The following PLEKHS1 variants were observed in gnomAD, a reference collection of about 807,000 sequenced individuals.
PLEKHS1 encodes the protein pleckstrin homology domain containing S1, also known as pleckstrin homology domain-containing family S member 1.
A neutral mutation model predicts 51.0 loss-of-function variants in PLEKHS1; 55 were observed. The observed-to-expected ratio is 1.08, with a 90% CI of 0.87 to 1.35. The LOEUF (loss-of-function observed/expected upper bound fraction) is 1.35. PLEKHS1 is among the 40% of genes most tolerant of loss of function. PLEKHS1 has a pLI of 0.00. For synonymous variants in PLEKHS1, 153 were observed against 144.8 expected (o/e 1.06, Z -0.41); for missense variants, 398 against 423.0 (o/e 0.94, Z 0.52).
At chr10:113,765,353 T>A (rs754455354) in intron 2 of PLEKHS1, 3 of 779,378 alleles carry the variant, frequency 3.8e-6, no homozygotes, top group Non-Finnish European at 7.2e-6. Context: ...CTCTACCCAA[T>A]GCCCTGTAAA....
intron 7 of PLEKHS1, 135 bp from the exon 8 acceptor site, chr10:113,771,835 C>A: frequency 1.9e-6 from 2 of 1,032,656 alleles, no homozygotes; most frequent in Non-Finnish European, 2.7e-6. Context: ...GTTGTGTGAG[C>A]TTCTGGATGT....
downstream of PLEKHS1, chr10:113,783,334 T>A (rs534572302): frequency 1.3e-5 from 2 of 152,166 alleles, no homozygotes; most frequent in African/African-American, 2.4e-5. Context: ...TTCTGTAAAA[T>A]TGTTCGTGAT....
intron 8 of PLEKHS1, among the ~76,000 whole-genome samples, chr10:113,772,961 A>G (rs1434705943): frequency 1.3e-5 from 2 of 152,236 alleles, no homozygotes; most frequent in African/African-American, 2.4e-5. Context: ...CTGAGCAGCT[A>G]TATCTGCCAT....
At chr10:113,772,883 G>T (rs1203320474) in intron 8 of PLEKHS1, among the ~76,000 whole-genome samples, 3 of 152,196 alleles carry the variant, frequency 2.0e-5, no homozygotes, top group African/African-American at 7.2e-5. Context: ...TCTGTAGACA[G>T]CATAGGGGAA....
intron 2 of PLEKHS1, among the ~76,000 whole-genome samples, chr10:113,757,726 T>A (rs1166934420): frequency 6.6e-6 from 1 of 152,230 alleles, no homozygotes; most frequent in East Asian, 1.9e-4. Flanking sequence ...TAGCAAGTGG[T>A]GCTGTTTGAT....
At chr10:113,780,910 TG>T (rs1405737917) in exon 12 of PLEKHS1, 1 of 778,392 alleles carries the variant, frequency 1.3e-6, no homozygotes, top group African/African-American at 1.7e-5. Context: ...ATCTTAACAA[TG>T]GGGATGACTA....
Position 113,777,468 on chromosome 10 carries a change from A to G in PLEKHS1, c.1091+1602A>G, listed in dbSNP as rs1009857105. 10 of 1,597,114 alleles carry G rather than the reference A, an allele frequency of 6.3e-6. No individual in the cohort carries two copies. The Admixed American group carries it at 1.0e-4, about 17-fold the overall frequency. On this transcript the variant is annotated intron_variant, in intron 11 of 11. Transcript: ENST00000361048. ...TTTGGAGAAGGCACTGAGCTAAGAG[A>G]CAGAGCACCTGGGTTCAGGACCTCA... is the stretch of plus-strand genomic sequence containing the variant.
intron 2 of PLEKHS1, among the ~76,000 whole-genome samples, chr10:113,756,911 G>T (rs889834261): frequency 3.5e-4 from 47 of 132,604 alleles, no homozygotes; most frequent in Middle Eastern, 4.1e-3. Flanking sequence ...TTTTAGATTG[G>T]TCTTTTTTTT....
At chr10:113,782,356 A>AAT (rs1288203056) in exon 12 of PLEKHS1, 1 of 152,240 alleles carries the variant, frequency 6.6e-6, no homozygotes, top group East Asian at 1.9e-4. Context: ...AGCACTTAGA[A>AAT]GAGACATTCA....
At chr10:113,752,518 C>T (rs1253687541) in intron 1 of PLEKHS1, among the ~76,000 whole-genome samples, 3 of 152,142 alleles carry the variant, frequency 2.0e-5, no homozygotes, top group Non-Finnish European at 2.9e-5. Flanking sequence ...CTGAGGAGTG[C>T]TCATCAACAG....
chr10:113,780,776 G>T, exon 12 of PLEKHS1: 1 of 1,547,826 alleles, frequency 6.5e-7, no homozygotes. Flanking sequence ...AGGAGCCAGG[G>T]AGTAACGCAC....
chr10:113,756,084 G>C (rs1020219300), intron 2 of PLEKHS1, among the ~76,000 whole-genome samples: 1 of 152,196 alleles, frequency 6.6e-6, no homozygotes, highest in African/African-American at 2.4e-5. Flanking sequence ...AAGTCACTTA[G>C]AAGTTAAATT....
chr10:113,779,197 G>A (rs752459087), intron 11 of PLEKHS1, among the ~76,000 whole-genome samples: 16 of 152,134 alleles, frequency 1.1e-4, no homozygotes, highest in Non-Finnish European at 2.1e-4. Context: ...GACTGGATAG[G>A]AGACTGCATG....
chr10:113,771,279 G>C (rs1382368040), intron 7 of PLEKHS1: 3 of 152,300 alleles, frequency 2.0e-5, no homozygotes, highest in African/African-American at 7.2e-5. Context: ...GAACAGGAAA[G>C]GTGCAACGCC....
chr10:113,756,219 T>G lies in PLEKHS1; in HGVS notation c.28+914T>G, dbSNP rs555755403. 3.3e-5 allele frequency among the ~76,000 whole-genome samples: 5 copies of G among 152,132 alleles called. No homozygotes were observed. In the South Asian group the frequency reaches 1.0e-3, roughly 32 times the overall value. ...GCCCTCAAAGAGTTTTAAAATGTTG[T>G]TGGTGGGAGGCTGAGGCAGGTGGAT... On this transcript the variant is annotated intron_variant, in intron 2 of 11. Coordinates refer to ENST00000361048, the Ensembl canonical transcript of PLEKHS1.
chr10:113,755,467 A>G, intron 2 of PLEKHS1, 162 bp downstream of exon 2: 3 of 1,320,876 alleles, frequency 2.3e-6, no homozygotes, highest in Admixed American at 6.8e-5. Context: ...GCTGGAGTAC[A>G]GTGGCACGAT....
At chr10:113,769,733 T>C (rs756311923) in intron 6 of PLEKHS1, 51 bp from the exon 7 acceptor site, 5 of 1,197,856 alleles carry the variant, frequency 4.2e-6, no homozygotes, top group Non-Finnish European at 6.2e-6. Flanking sequence ...TGCCGTTTCA[T>C]TCCAGACAGA....
chr10:113,781,060 A>G, exon 12 of PLEKHS1: 1 of 441,942 alleles, frequency 2.3e-6, no homozygotes, highest in Non-Finnish European at 4.1e-6. Flanking sequence ...TCCTTCATGT[A>G]ATACATGCTG....
intron 1 of PLEKHS1, 53 bp from the exon 2 acceptor site, chr10:113,755,206 T>C: frequency 4.5e-6 from 7 of 1,538,636 alleles, no homozygotes; most frequent in Non-Finnish European, 6.1e-6. Context: ...GGCTGGTCAA[T>C]GAAACACACG....
Sources: gnomAD v4.1 joint callset for allele counts (sites outside exome capture counted in the v4.1 genomes callset) on GRCh38, gnomAD v4.1.1 for gene constraint, MANE v1.5 for transcripts, NCBI Gene and HGNC (gene_info 2026-07-23, HGNC 2026-07-21) for gene names.